The following ANKS1B variants were observed in gnomAD, a reference collection of about 807,000 sequenced individuals.
The protein encoded by ANKS1B is ankyrin repeat and sterile alpha motif domain containing 1B.
Under a neutral mutation model 148.3 loss-of-function variants are expected in ANKS1B, and 36 were observed. That is an observed-to-expected ratio of 0.24 (90% CI 0.19 to 0.32). The LOEUF (loss-of-function observed/expected upper bound fraction) is 0.32. ANKS1B is among the 10% of genes least tolerant of loss of function. The pLI, the probability that ANKS1B is intolerant of heterozygous loss-of-function variation, is 1.00. For missense variants in ANKS1B, 1,157 were observed against 1,542.6 expected (o/e 0.75, Z 4.19); for synonymous variants, 542 against 560.8 (o/e 0.97, Z 0.47).
chr12:99,625,533 C>T (rs2098103622), intron 9 of ANKS1B, among the ~76,000 whole-genome samples: 2 of 152,156 alleles, frequency 1.3e-5, no homozygotes, highest in African/African-American at 4.8e-5. Flanking sequence ...GTGTCTGATA[C>T]ATAGCAAGAG....
intron 8 of ANKS1B, among the ~76,000 whole-genome samples, chr12:99,693,192 C>G (rs11110001): frequency 0.23 from 35,122 of 151,906 alleles, 4,695 homozygotes; most frequent in Non-Finnish European, 0.31. Context: ...AAAGAGAAAA[C>G]AATCACACTT....
At chr12:99,298,485 T>G (rs1466295593) in intron 12 of ANKS1B, among the ~76,000 whole-genome samples, 3 of 152,200 alleles carry the variant, frequency 2.0e-5, no homozygotes, top group South Asian at 4.1e-4. Context: ...CCCTAGCCAT[T>G]TGGAACTGTG....
chr12:98,746,871 C>T (rs546332654), intron 26 of ANKS1B, among the ~76,000 whole-genome samples: 2 of 152,140 alleles, frequency 1.3e-5, no homozygotes, highest in Admixed American at 6.5e-5. Context: ...ATCTATACAA[C>T]AGAATGAAAC....
intron 19 of ANKS1B, among the ~76,000 whole-genome samples, chr12:98,815,729 C>A (rs940392784): frequency 6.6e-6 from 1 of 152,152 alleles, no homozygotes; most frequent in Non-Finnish European, 1.5e-5. Flanking sequence ...TCCTGTATCT[C>A]GCATTCAATC....
chr12:98,823,577 C>T (rs1377042717), intron 19 of ANKS1B, among the ~76,000 whole-genome samples: 1 of 152,238 alleles, frequency 6.6e-6, no homozygotes, highest in Non-Finnish European at 1.5e-5. Flanking sequence ...GCAACCTCTG[C>T]CTCCAGGGTT....
At chr12:99,183,514 T>G (rs1356465001) in intron 14 of ANKS1B, among the ~76,000 whole-genome samples, 5 of 151,982 alleles carry the variant, frequency 3.3e-5, no homozygotes, top group Non-Finnish European at 7.4e-5. Context: ...GTGGTGGTGG[T>G]CGCCTGTAAT....
chr12:99,308,260 C>A (rs1029196560), intron 12 of ANKS1B, among the ~76,000 whole-genome samples: 10 of 151,974 alleles, frequency 6.6e-5, no homozygotes, highest in African/African-American at 2.4e-4. Context: ...ATTTGAAGCA[C>A]CCTATGTATT....
intron 25 of ANKS1B, among the ~76,000 whole-genome samples, chr12:98,759,371 A>G (rs559308274): frequency 6.6e-6 from 1 of 152,278 alleles, no homozygotes; most frequent in Non-Finnish European, 1.5e-5. Flanking sequence ...ACTGAATGAC[A>G]TGGGGGAGTA....
chr12:99,802,637 G>T (rs1240212714), intron 4 of ANKS1B, among the ~76,000 whole-genome samples: 1 of 152,024 alleles, frequency 6.6e-6, no homozygotes, highest in Non-Finnish European at 1.5e-5. Context: ...TGTAGGTCAG[G>T]TGCAGTGGTT....
chr12:99,354,459 C>T (rs985698520), intron 12 of ANKS1B, among the ~76,000 whole-genome samples: 1 of 151,848 alleles, frequency 6.6e-6, no homozygotes, highest in African/African-American at 2.4e-5. Flanking sequence ...GTTGTACTTA[C>T]CTGAACCTCA....
At chr12:99,676,374 A>T (rs543052732) in intron 8 of ANKS1B, among the ~76,000 whole-genome samples, 1 of 152,320 alleles carries the variant, frequency 6.6e-6, no homozygotes, top group South Asian at 2.1e-4. Flanking sequence ...TTCATTATTC[A>T]TACATATCCT....
intron 8 of ANKS1B, among the ~76,000 whole-genome samples, chr12:99,689,221 T>C (rs895306938): frequency 4.6e-5 from 7 of 152,258 alleles, no homozygotes; most frequent in Non-Finnish European, 1.0e-4. Context: ...AAACATGTCT[T>C]ATTCATGTTT....
chr12:99,330,093 C>G (rs1014156352), intron 12 of ANKS1B, among the ~76,000 whole-genome samples: 2 of 151,864 alleles, frequency 1.3e-5, no homozygotes, highest in African/African-American at 4.8e-5. Context: ...TTCTTCAGTT[C>G]ACCTTATCTA....
chr12:99,386,781 A>G (rs2093876083), intron 12 of ANKS1B, among the ~76,000 whole-genome samples: 1 of 152,238 alleles, frequency 6.6e-6, no homozygotes, highest in African/African-American at 2.4e-5. Flanking sequence ...ACAAAAACTT[A>G]CATTAAAAAT....
intron 11 of ANKS1B, among the ~76,000 whole-genome samples, chr12:99,409,632 C>T (rs193229333): frequency 2.0e-5 from 3 of 151,694 alleles, no homozygotes; most frequent in Admixed American, 6.6e-5. Flanking sequence ...ATATATATAC[C>T]TACTATGTAC....
intron 14 of ANKS1B, among the ~76,000 whole-genome samples, chr12:99,188,594 T>C (rs1160037113): frequency 6.6e-6 from 1 of 152,210 alleles, no homozygotes; most frequent in Non-Finnish European, 1.5e-5. Flanking sequence ...CCTGAATGAC[T>C]ACTGGGTAAA....
At chr12:99,905,549 G>C (rs2093748452) in intron 1 of ANKS1B, among the ~76,000 whole-genome samples, 1 of 152,204 alleles carries the variant, frequency 6.6e-6, no homozygotes, top group African/African-American at 2.4e-5. Flanking sequence ...CAACAAAGTT[G>C]TATCAGTTGC....
chr12:99,554,374 T>A (rs1403012223), intron 9 of ANKS1B, among the ~76,000 whole-genome samples: 1 of 152,162 alleles, frequency 6.6e-6, no homozygotes, highest in South Asian at 2.1e-4. Context: ...GCTGAAACAG[T>A]CTTTCTCTCC....
chr12:99,563,073 C>G (rs1306830609), intron 9 of ANKS1B, among the ~76,000 whole-genome samples: 1 of 152,120 alleles, frequency 6.6e-6, no homozygotes, highest in Non-Finnish European at 1.5e-5. Context: ...GAGAGTTAAG[C>G]CTTGTTCTTT....
Sources: allele counts gnomAD v4.1 joint callset (sites outside exome capture counted in the v4.1 genomes callset), GRCh38; gene constraint gnomAD v4.1.1; transcripts MANE v1.5; gene names NCBI Gene and HGNC (gene_info 2026-07-23, HGNC 2026-07-21).